The following IQCM variants were observed in gnomAD, a reference collection of about 807,000 sequenced individuals.
IQCM encodes the protein IQ domain-containing protein M.
A neutral mutation model predicts 57.6 loss-of-function variants in IQCM; 45 were observed. The ratio of observed to expected loss-of-function variants is 0.78; its 90% CI spans 0.62 to 1.00. The LOEUF (loss-of-function observed/expected upper bound fraction) is 1.00, where lower values mean the gene tolerates loss of function less well. IQCM is among the 50% of genes least tolerant of loss of function. IQCM has a pLI of 0.00. For synonymous variants in IQCM, 148 were observed against 158.9 expected (o/e 0.93, Z 0.51); for missense variants, 468 against 511.6 (o/e 0.91, Z 0.82).
At chr4:149,541,287 T>C (rs1747824105) in intron 12 of IQCM, among the ~76,000 whole-genome samples, 1 of 152,140 alleles carries the variant, frequency 6.6e-6, no homozygotes, top group African/African-American at 2.4e-5. Context: ...TCTCAGGTTA[T>C]AATTTGTTCA....
At chr4:149,388,199 C>G (rs1374630990) in intron 13 of IQCM, among the ~76,000 whole-genome samples, 1 of 151,720 alleles carries the variant, frequency 6.6e-6, no homozygotes, top group Non-Finnish European at 1.5e-5. Context: ...GGGTAGATAT[C>G]TGGAATGGAA....
intron 8 of IQCM, among the ~76,000 whole-genome samples, chr4:149,590,483 G>A (rs1342629995): frequency 6.6e-6 from 1 of 151,096 alleles, no homozygotes; most frequent in Non-Finnish European, 1.5e-5. Flanking sequence ...TTAAGTTCTG[G>A]GATACATGTA....
chr4:149,661,381 G>C (rs977001643), intron 7 of IQCM, among the ~76,000 whole-genome samples: 1 of 152,058 alleles, frequency 6.6e-6, no homozygotes, highest in Non-Finnish European at 1.5e-5. Flanking sequence ...GAGAATGTTT[G>C]CATCTATGTT....
At chr4:149,659,665 G>A (rs944441383) in intron 7 of IQCM, among the ~76,000 whole-genome samples, 5 of 152,084 alleles carry the variant, frequency 3.3e-5, no homozygotes, top group African/African-American at 1.2e-4. Context: ...AGAGCCCTCA[G>A]AAATAACACC....
intron 5 of IQCM, among the ~76,000 whole-genome samples, chr4:149,712,055 C>T (rs182613854): frequency 6.6e-6 from 1 of 152,194 alleles, no homozygotes; most frequent in African/African-American, 2.4e-5. Context: ...CAGGCTTGTT[C>T]CCCTGGTTCT....
intron 2 of IQCM, among the ~76,000 whole-genome samples, chr4:149,788,031 T>C (rs1256612258): frequency 6.6e-6 from 1 of 152,168 alleles, no homozygotes; most frequent in Non-Finnish European, 1.5e-5. Flanking sequence ...AATAGACATT[T>C]TTCAAAAGAA....
intron 12 of IQCM, among the ~76,000 whole-genome samples, chr4:149,491,867 C>T (rs905489600): frequency 6.6e-5 from 10 of 152,014 alleles, no homozygotes; most frequent in African/African-American, 2.4e-4. Context: ...ATTTATATCT[C>T]TACCATTTTT....
intron 13 of IQCM, among the ~76,000 whole-genome samples, chr4:149,370,827 C>G (rs989653794): frequency 5.3e-5 from 8 of 152,078 alleles, no homozygotes; most frequent in Non-Finnish European, 1.0e-4. Flanking sequence ...CACAACCCTA[C>G]TCCTCCACCT....
chr4:149,740,665 G>A (rs1458351976), intron 3 of IQCM, among the ~76,000 whole-genome samples: 2 of 131,886 alleles, frequency 1.5e-5, no homozygotes, highest in Non-Finnish European at 3.2e-5. Context: ...GTGCCTTGGG[G>A]GTGCTTCCTT....
chr4:149,637,726 T>C (rs1757848457), intron 7 of IQCM, among the ~76,000 whole-genome samples: 2 of 152,138 alleles, frequency 1.3e-5, no homozygotes, highest in African/African-American at 2.4e-5. Flanking sequence ...TCGACCTGCA[T>C]ATATAATATC....
Position 149,553,345 on chromosome 4 carries a change from G to A in IQCM, c.949-58C>T, listed in dbSNP as rs190018855. ...TGGTATTTATATTTAATTTGATTTC[G>A]CCTCTTTCATTTAGTCTATTTCACC... is the stretch of plus-strand genomic sequence containing the variant. On this transcript the variant is annotated intron_variant, in intron 10 of 13. Transcript: ENST00000636793. The A allele has an allele frequency of 5.2e-4, 620 of 1,190,660 alleles. 2 individuals carry two copies. The highest frequency in any genetic ancestry group is 4.1e-3 in the African/African-American group (259 of 63,636). The allele number at this position is 1,190,660 out of a possible 1,614,324, so 73.8% of individuals were successfully genotyped here.
At chr4:149,360,262 C>G (rs1729377174) in intron 13 of IQCM, among the ~76,000 whole-genome samples, 1 of 151,832 alleles carries the variant, frequency 6.6e-6, no homozygotes, top group Non-Finnish European at 1.5e-5. Flanking sequence ...CAATAAAAAG[C>G]AAAAATTAAA....
Position 149,548,563 on chromosome 4 carries a change from C to T in IQCM, c.1120G>A (p.Glu374Lys). ...KFYEIMFAKR[E>K]DWPKIERNEL... ...TTTCTTTCAATTTTTGGCCAATCTT[C>T]CCTCTTAGCAAACATTATTTCATAG... is the stretch of plus-strand genomic sequence containing the variant. The change falls in exon 12 of 14, where the codon GAA becomes AAA. Residue 374 changes from glutamate (E) to lysine (K), a missense_variant. Glu to Lys is a moderately conservative substitution (Grantham distance 56, BLOSUM62 1). Coordinates refer to ENST00000636793, the MANE Select transcript of IQCM (RefSeq NM_001363507.2). 4 of 1,227,912 alleles carry T rather than the reference C, an allele frequency of 3.3e-6. No individual in the cohort carries two copies. The highest frequency in any genetic ancestry group is 3.0e-6 in the Non-Finnish European group (3 of 984,196). The allele number at this position is 1,227,912 out of a possible 1,614,324, so 76.1% of individuals were successfully genotyped here.
intron 13 of IQCM, among the ~76,000 whole-genome samples, chr4:149,385,156 C>T (rs1209257870): frequency 6.6e-6 from 1 of 152,030 alleles, no homozygotes; most frequent in African/African-American, 2.4e-5. Context: ...TATTCCGGAG[C>T]TTAAATGTTA....
chr4:149,469,656 C>T (rs1739284329), intron 12 of IQCM, among the ~76,000 whole-genome samples: 1 of 152,064 alleles, frequency 6.6e-6, no homozygotes, highest in South Asian at 2.1e-4. Flanking sequence ...AGAGCAACTC[C>T]AAGACACATA....
At chr4:149,529,807 C>A (rs1470015340) in intron 12 of IQCM, among the ~76,000 whole-genome samples, 3 of 152,140 alleles carry the variant, frequency 2.0e-5, no homozygotes, top group African/African-American at 7.2e-5. Context: ...TTGGGCCCCA[C>A]AGCCCATTCA....
At chr4:149,633,093 G>A (rs931471220) in intron 7 of IQCM, among the ~76,000 whole-genome samples, 3 of 148,242 alleles carry the variant, frequency 2.0e-5, no homozygotes, top group Admixed American at 6.7e-5. Flanking sequence ...CCCGGGAAGC[G>A]GAGCTTGCAG....
In IQCM at chr4:149,689,925, G is replaced by C. The variant is rs183050409; in HGVS notation, c.386-3457C>G. Among the ~76,000 whole-genome samples, 3 of 152,196 alleles carry C rather than the reference G, an allele frequency of 2.0e-5. No individual in the cohort carries two copies. The East Asian group carries it at 5.8e-4, about 30-fold the overall frequency. On this transcript the variant is annotated intron_variant, in intron 5 of 13. Transcript: ENST00000636793. The stretch of plus-strand genomic sequence containing the variant: ...AATTAAAAACAGCAGATGTTGGCAT[G>C]GATGCAGTGATCAGGGAACACTTCT...
chr4:149,612,122 G>A (rs1579696585), intron 8 of IQCM, among the ~76,000 whole-genome samples: 1 of 151,698 alleles, frequency 6.6e-6, no homozygotes, highest in East Asian at 2.0e-4. Context: ...AAAGGAGGAA[G>A]TACCACACAC....
Sources: gnomAD v4.1 joint callset for allele counts (sites outside exome capture counted in the v4.1 genomes callset) on GRCh38, gnomAD v4.1.1 for gene constraint, MANE v1.5 for transcripts, NCBI Gene and HGNC (gene_info 2026-07-23, HGNC 2026-07-21) for gene names.